SYNE2: variants seen among roughly 807,000 people sequenced by gnomAD.
SYNE2 encodes nesprin-2.
A neutral mutation model predicts 856.3 loss-of-function variants in SYNE2; 431 were observed. The ratio of observed to expected loss-of-function variants is 0.50; its 90% confidence interval spans 0.47 to 0.55. The LOEUF (loss-of-function observed/expected upper bound fraction) is 0.55, where lower values mean the gene tolerates loss of function less well. SYNE2 is among the 20% of genes least tolerant of loss of function. The pLI is 0.00. For missense variants in SYNE2, 8,129 were observed against 8,023.2 expected, an observed-to-expected ratio of 1.01 and a Z score of -0.50; for synonymous variants, 2,923 against 2,872.3, an observed-to-expected ratio of 1.02 and a Z score of -0.56.
chr14:64,191,111 G>T, intron 99 of SYNE2: 1 of 623,116 alleles, frequency 1.6e-6, no homozygotes, highest in Non-Finnish European at 2.9e-6. Flanking sequence ...AGAATTGGGA[G>T]GTGATAAAAG....
At chr14:63,964,056 G>A (rs555914766) in intron 10 of SYNE2, 56 bp downstream of exon 10, 5 of 1,118,876 alleles carry the variant, frequency 4.5e-6, no homozygotes, top group East Asian at 5.1e-5. Context: ...TTGAGCGTAA[G>A]TATGTTTTTA....
intron 1 of SYNE2, among the ~76,000 whole-genome samples, chr14:63,821,238 A>G (rs1889199248): frequency 6.6e-6 from 1 of 152,142 alleles, no homozygotes; most frequent in East Asian, 1.9e-4. Flanking sequence ...TCTTCACAAT[A>G]ATTTTTATAC....
At chr14:64,200,250 A>G (rs1455624968) in intron 99 of SYNE2, among the ~76,000 whole-genome samples, 4 of 152,220 alleles carry the variant, frequency 2.6e-5, no homozygotes, top group African/African-American at 7.2e-5. Flanking sequence ...GAATAGGGTC[A>G]GGGGCTAGAT....
intron 79 of SYNE2, among the ~76,000 whole-genome samples, chr14:64,139,072 C>A (rs1480232484): frequency 1.3e-5 from 2 of 151,810 alleles, no homozygotes; most frequent in Admixed American, 1.3e-4. Flanking sequence ...CAGCCTTGAC[C>A]TCCTGGGCTC....
intron 97 of SYNE2, among the ~76,000 whole-genome samples, chr14:64,187,563 TGTTTTTCTAGGATA>T (rs2098498549): frequency 6.6e-6 from 1 of 152,144 alleles, no homozygotes; most frequent in African/African-American, 2.4e-5. Context: ...ACACAACACT[TGTTTTTCTAGGATA>T]GTTTTTCAAG....
chr14:63,881,590 AT>A (rs1183810423), intron 1 of SYNE2, among the ~76,000 whole-genome samples: 3 of 148,670 alleles, frequency 2.0e-5, no homozygotes, highest in Non-Finnish European at 4.5e-5. Context: ...TTTATGGAAA[AT>A]TTTATGTTTA....
chr14:64,028,536 C>T (rs1004486283), intron 43 of SYNE2, among the ~76,000 whole-genome samples: 9 of 152,150 alleles, frequency 5.9e-5, no homozygotes, highest in African/African-American at 1.4e-4. Context: ...ATGACCTGCG[C>T]GAGCCACTGC....
intron 99 of SYNE2, chr14:64,190,707 G>A (rs1238622626): frequency 1.5e-6 from 1 of 678,466 alleles, no homozygotes; most frequent in African/African-American, 1.8e-5. Flanking sequence ...CTCTTAAAGT[G>A]TGTGGGCTCA....
rs151260506 is a variant in SYNE2 at position 63,969,108 on chromosome 14, T to G, written c.1128+1262T>G. Among the ~76,000 whole-genome samples, 262 of 152,226 alleles carry G rather than the reference T, an allele frequency of 1.7e-3. 1 individual carries two copies. The highest frequency in any genetic ancestry group is 5.9e-3 in the African/African-American group (244 of 41,548). On this transcript the variant is annotated intron_variant, in intron 11 of 115. Transcript: ENST00000555002. ...TATTTGTCTTTCTGTGCCTAGCTTA[T>G]TTCACTTGACATAGTGACTTCCACT...
At chr14:64,047,880 T>C (rs1308053893) in intron 45 of SYNE2, 120 bp from the exon 46 acceptor site, 1 of 1,093,256 alleles carries the variant, frequency 9.1e-7, no homozygotes, top group Non-Finnish European at 1.3e-6. Context: ...TGCCCAAATA[T>C]ACTTTTTAAG....
chr14:63,931,453 G>A (rs1255830472), intron 2 of SYNE2, among the ~76,000 whole-genome samples: 1 of 151,624 alleles, frequency 6.6e-6, no homozygotes, highest in African/African-American at 2.4e-5. Context: ...AGGAGGCTGC[G>A]GCAGGAGAAT....
At chr14:63,893,400 T>G (rs902379316) in intron 1 of SYNE2, among the ~76,000 whole-genome samples, 2 of 151,740 alleles carry the variant, frequency 1.3e-5, no homozygotes, top group African/African-American at 4.8e-5. Context: ...TTTTTGTCAC[T>G]ACAAAAAAAA....
At chr14:64,160,577 G>T (rs2153713476) in intron 87 of SYNE2, among the ~76,000 whole-genome samples, 1 of 152,312 alleles carries the variant, frequency 6.6e-6, no homozygotes, top group Admixed American at 6.5e-5. Flanking sequence ...GTTCTGATAA[G>T]ATTTTTGAAA....
At chr14:63,937,394 G>A (rs1225329579) in intron 2 of SYNE2, among the ~76,000 whole-genome samples, 1 of 152,210 alleles carries the variant, frequency 6.6e-6, no homozygotes, top group Admixed American at 6.5e-5. Flanking sequence ...TGATACGGAA[G>A]AGGTAGGAAC....
At chr14:63,835,544 C>A (rs574643724) in intron 1 of SYNE2, among the ~76,000 whole-genome samples, 3 of 146,822 alleles carry the variant, frequency 2.0e-5, no homozygotes, top group African/African-American at 7.6e-5. Flanking sequence ...TACGTATGTA[C>A]ATATCTTAAT....
chr14:64,209,846 T>A (rs1335995032), intron 102 of SYNE2, 96 bp from the exon 103 acceptor site: 6 of 1,540,628 alleles, frequency 3.9e-6, no homozygotes, highest in Non-Finnish European at 5.4e-6. Flanking sequence ...AGTTTGGGGA[T>A]GAACCCCTGG....
chr14:63,815,778 A>G (rs1395046489), intron 1 of SYNE2, among the ~76,000 whole-genome samples: 1 of 152,040 alleles, frequency 6.6e-6, no homozygotes, highest in African/African-American at 2.4e-5. Flanking sequence ...CACTCAGAAA[A>G]TTCACTATGA....
At chr14:64,159,895 A>G (rs1389565786) in intron 87 of SYNE2, among the ~76,000 whole-genome samples, 3 of 152,152 alleles carry the variant, frequency 2.0e-5, no homozygotes, top group Non-Finnish European at 4.4e-5. Flanking sequence ...TCTTTGATGA[A>G]CTACTTATGG....
intron 1 of SYNE2, among the ~76,000 whole-genome samples, chr14:63,897,792 C>CCCTGCT (rs1441352545): frequency 6.6e-6 from 1 of 152,196 alleles, no homozygotes; most frequent in Non-Finnish European, 1.5e-5. Context: ...CCCATGCTCC[C>CCCTGCT]CCTGCTCCTG....
Sources: gnomAD v4.1 joint callset for allele counts (sites outside exome capture counted in the v4.1 genomes callset) on GRCh38, gnomAD v4.1.1 for gene constraint, MANE v1.5 for transcripts, NCBI Gene and HGNC (gene_info 2026-07-23, HGNC 2026-07-21) for gene names.